Variants in DAB1 observed in about 807,000 individuals in gnomAD.
DAB1 encodes the protein DAB adaptor protein 1.
In DAB1, 15 loss-of-function variants were observed where a neutral mutation model predicts 64.6. That is an observed-to-expected ratio of 0.23 (90% confidence interval 0.16 to 0.36). The LOEUF (loss-of-function observed/expected upper bound fraction) is 0.36. DAB1 is among the 10% of genes least tolerant of loss of function. The pLI, the probability that DAB1 is intolerant of heterozygous loss-of-function variation, is 1.00. For missense variants in DAB1, 596 were observed against 706.7 expected, an observed-to-expected ratio of 0.84 and a Z score of 1.78; for synonymous variants, 235 against 251.9, an observed-to-expected ratio of 0.93 and a Z score of 0.64.
intron 5 of DAB1, among the ~76,000 whole-genome samples, chr1:57,994,738 T>C (rs1646399513): frequency 1.3e-5 from 2 of 151,916 alleles, no homozygotes; most frequent in Non-Finnish European, 2.9e-5. Flanking sequence ...GACTGACTGG[T>C]TTGATGAGAA....
chr1:57,643,859 C>T (rs1646160273), intron 7 of DAB1, among the ~76,000 whole-genome samples: 1 of 152,180 alleles, frequency 6.6e-6, no homozygotes, highest in East Asian at 1.9e-4. Flanking sequence ...TCTAGGACTG[C>T]TCAGGTTTCA....
intron 2 of DAB1, among the ~76,000 whole-genome samples, chr1:58,508,530 G>A (rs2100421719): frequency 6.6e-6 from 1 of 152,250 alleles, no homozygotes; most frequent in South Asian, 2.1e-4. Context: ...ATCTGCGAGA[G>A]CAATTATGTA....
chr1:58,191,161 ATCT>A (rs1361130948), intron 4 of DAB1, among the ~76,000 whole-genome samples: 1 of 152,230 alleles, frequency 6.6e-6, no homozygotes, highest in Non-Finnish European at 1.5e-5. Context: ...GGACTGAGAG[ATCT>A]TCTTAGCCAG....
intron 4 of DAB1, among the ~76,000 whole-genome samples, chr1:57,085,625 T>G (rs1250396068): frequency 6.6e-6 from 1 of 152,350 alleles, no homozygotes; most frequent in African/African-American, 2.4e-5. Context: ...AAGAAACCAT[T>G]CCTTTTCTTC....
chr1:58,376,074 T>C (rs1203092573), intron 3 of DAB1, among the ~76,000 whole-genome samples: 1 of 152,122 alleles, frequency 6.6e-6, no homozygotes, highest in African/African-American at 2.4e-5. Context: ...CTTCTCTCTT[T>C]TTTTCTTTGT....
chr1:57,100,920 C>T (rs1324055559), intron 4 of DAB1, among the ~76,000 whole-genome samples: 1 of 152,056 alleles, frequency 6.6e-6, no homozygotes, highest in Non-Finnish European at 1.5e-5. Context: ...TATTTTTTAG[C>T]CTTTATCATA....
intron 7 of DAB1, among the ~76,000 whole-genome samples, chr1:57,492,541 C>T (rs1352321628): frequency 1.3e-5 from 2 of 152,130 alleles, no homozygotes; most frequent in Admixed American, 1.3e-4. Context: ...TTGAAATGTA[C>T]TTAGTCTGAG....
intron 4 of DAB1, among the ~76,000 whole-genome samples, chr1:58,339,402 G>A (rs1663198242): frequency 6.6e-6 from 1 of 152,050 alleles, no homozygotes. Context: ...ATTTGGCAGG[G>A]GGAAATGGAA....
chr1:58,011,213 G>A (rs535203355), intron 5 of DAB1, among the ~76,000 whole-genome samples: 5 of 152,282 alleles, frequency 3.3e-5, no homozygotes, highest in African/African-American at 7.2e-5. Flanking sequence ...AATGTAAAAG[G>A]AATGAGGAAA....
At chr1:57,260,630 C>A (rs1182832498) in intron 2 of DAB1, among the ~76,000 whole-genome samples, 2 of 152,168 alleles carry the variant, frequency 1.3e-5, no homozygotes, top group East Asian at 1.9e-4. Flanking sequence ...AGAGCCTTTA[C>A]AGGATCCTCT....
At chr1:58,461,986 G>A (rs905791691) in intron 3 of DAB1, among the ~76,000 whole-genome samples, 3 of 152,124 alleles carry the variant, frequency 2.0e-5, no homozygotes, top group Non-Finnish European at 4.4e-5. Context: ...CTACAGTCTG[G>A]GTGCTATTCC....
At chr1:58,529,480 T>C (rs1646399965) in intron 1 of DAB1, among the ~76,000 whole-genome samples, 1 of 152,240 alleles carries the variant, frequency 6.6e-6, no homozygotes, top group Non-Finnish European at 1.5e-5. Context: ...GAGATGATTA[T>C]TATACATAAG....
chr1:57,257,543 G>A (rs1429423138), intron 2 of DAB1, among the ~76,000 whole-genome samples: 2 of 152,170 alleles, frequency 1.3e-5, no homozygotes, highest in East Asian at 3.9e-4. Context: ...ATCAGAACTT[G>A]GACTTGATCT....
chr1:57,774,786 T>A (rs1312400144), intron 6 of DAB1, among the ~76,000 whole-genome samples: 1 of 151,798 alleles, frequency 6.6e-6, no homozygotes, highest in Non-Finnish European at 1.5e-5. Context: ...CTCTTTTTGT[T>A]TATTGTTAGC....
At chr1:57,104,831 T>A (rs1343873258) in intron 4 of DAB1, among the ~76,000 whole-genome samples, 1 of 152,114 alleles carries the variant, frequency 6.6e-6, no homozygotes, top group Non-Finnish European at 1.5e-5. Context: ...GGGACAGTCA[T>A]AACTAGAGTC....
chr1:57,207,422 T>A (rs1029706548), intron 2 of DAB1, among the ~76,000 whole-genome samples: 2 of 150,244 alleles, frequency 1.3e-5, no homozygotes, highest in African/African-American at 4.9e-5. Context: ...AATAGATTAC[T>A]GTAATTCATA....
chr1:57,559,003 A>G (rs1024613483), intron 7 of DAB1, among the ~76,000 whole-genome samples: 8 of 152,308 alleles, frequency 5.3e-5, no homozygotes, highest in Middle Eastern at 3.4e-3. Context: ...AACAGTGGGA[A>G]CCAAAGTAAC....
intron 2 of DAB1, among the ~76,000 whole-genome samples, chr1:57,272,485 C>T (rs1671090361): frequency 6.6e-6 from 1 of 152,228 alleles, no homozygotes. Context: ...GCTAGCACTT[C>T]ACTAAATATA....
chr1:58,531,606 C>A (rs975730216), intron 1 of DAB1, among the ~76,000 whole-genome samples: 3 of 152,112 alleles, frequency 2.0e-5, no homozygotes, highest in Non-Finnish European at 2.9e-5. Context: ...AGAATATTGT[C>A]CCTTAACAAA....
Sources: allele counts gnomAD v4.1 joint callset (sites outside exome capture counted in the v4.1 genomes callset), GRCh38; gene constraint gnomAD v4.1.1; transcripts MANE v1.5; gene names NCBI Gene and HGNC (gene_info 2026-07-23, HGNC 2026-07-21).